GALM: variants seen among roughly 807,000 people sequenced by gnomAD.
GALM encodes aldose 1-epimerase.
In GALM, 43 loss-of-function variants were observed where a neutral mutation model predicts 37.4. That is an observed-to-expected ratio of 1.15 (90% CI 0.90 to 1.48). The LOEUF (loss-of-function observed/expected upper bound fraction) is 1.48. Ranked by LOEUF, GALM falls within the 40% of genes most tolerant of loss-of-function variation. GALM has a pLI of 0.00. For missense variants in GALM, 456 were observed against 419.1 expected, an observed-to-expected ratio of 1.09 and a Z score of -0.77; for synonymous variants, 199 against 170.6, an observed-to-expected ratio of 1.17 and a Z score of -1.30.
intron 4 of GALM, among the ~76,000 whole-genome samples, chr2:38,694,594 C>G (rs913017143): frequency 3.9e-5 from 6 of 152,022 alleles, no homozygotes; most frequent in African/African-American, 1.4e-4. Flanking sequence ...CCTTGTCAGT[C>G]TGACAAGAAA....
At chr2:38,712,734 C>T (rs139209471) in intron 4 of GALM, among the ~76,000 whole-genome samples, 7 of 152,258 alleles carry the variant, frequency 4.6e-5, no homozygotes, top group African/African-American at 9.6e-5. Flanking sequence ...GTGTTGCCTG[C>T]GTTTCTATAA....
At chr2:38,695,841 C>T (rs1311390721) in intron 4 of GALM, among the ~76,000 whole-genome samples, 2 of 151,832 alleles carry the variant, frequency 1.3e-5, no homozygotes, top group Admixed American at 1.3e-4. Context: ...GGACTACAGG[C>T]GCGCATGCCA....
chr2:38,690,000 G>C (rs1315664535), intron 4 of GALM, 106 bp downstream of exon 4: 1 of 644,500 alleles, frequency 1.6e-6, no homozygotes, highest in African/African-American at 1.8e-5. Context: ...AAAGTCTACA[G>C]TTTAGTTAAT....
At chr2:38,678,734 C>T (rs551970319) in intron 2 of GALM, among the ~76,000 whole-genome samples, 23 of 152,288 alleles carry the variant, frequency 1.5e-4, no homozygotes, top group East Asian at 1.9e-4. Context: ...CAGAGACCTC[C>T]GTTCCTGCTG....
intron 4 of GALM, among the ~76,000 whole-genome samples, chr2:38,713,224 A>C (rs1458068201): frequency 6.6e-6 from 1 of 152,058 alleles, no homozygotes; most frequent in South Asian, 2.1e-4. Context: ...ACATTCTTCC[A>C]CCCCAATATG....
intron 4 of GALM, among the ~76,000 whole-genome samples, chr2:38,712,509 A>T (rs2148449791): frequency 6.6e-6 from 1 of 152,316 alleles, no homozygotes; most frequent in East Asian, 1.9e-4. Context: ...ATAGTTGCTG[A>T]AATCAGTCCT....
rs374583940 is a variant in GALM, at chr2:38,677,154, T to C, written c.345+1088T>C. Among the ~76,000 whole-genome samples, 11 of 152,366 alleles carry C rather than the reference T, an allele frequency of 7.2e-5. No homozygotes were observed. The East Asian group carries it at 2.1e-3, about 29-fold the overall frequency. On this transcript the variant is annotated intron_variant, in intron 2 of 6. Transcript: ENST00000272252. Reference sequence around the variant, plus strand: ...TGCTTCCTAGCCCCATGGGAGTCTATGGGTTAACCCCAGTGATTGCTCTCT... The same window carrying C: ...TGCTTCCTAGCCCCATGGGAGTCTACGGGTTAACCCCAGTGATTGCTCTCT...
chr2:38,694,322 A>G (rs1665752314), intron 4 of GALM, among the ~76,000 whole-genome samples: 1 of 152,226 alleles, frequency 6.6e-6, no homozygotes, highest in African/African-American at 2.4e-5. Flanking sequence ...AAGCCAAAAC[A>G]AAGAACAGAC....
At position 38,707,114 on chromosome 2, in the gene GALM, C is replaced by T. The variant is rs368317437; in HGVS notation, c.634+17220C>T. On this transcript the variant is annotated intron_variant, in intron 4 of 6. Transcript: ENST00000272252. ...TGAGTAGGGGAGGAGGGGGAGCTGGCATGGGGGGCTGGGAGAACTATGGAT... is the reference window on the plus strand; with the variant it reads ...TGAGTAGGGGAGGAGGGGGAGCTGGTATGGGGGGCTGGGAGAACTATGGAT... 4.2e-5 allele frequency among the ~76,000 whole-genome samples: 6 copies of T among 141,764 alleles called. No individual in the cohort carries two copies. In the East Asian group the frequency reaches 8.2e-4, roughly 19 times the overall value. The allele number at this position is 141,764 out of a possible 152,430, so 93.0% of individuals were successfully genotyped here.
chr2:38,669,622 C>G (rs978837550), intron 1 of GALM: 6 of 152,090 alleles, frequency 3.9e-5, no homozygotes, highest in African/African-American at 1.4e-4. Flanking sequence ...CGGTGGCTCA[C>G]GCCTGTAATC....
chr2:38,678,110 G>C (rs1222551297), intron 2 of GALM, among the ~76,000 whole-genome samples: 1 of 150,932 alleles, frequency 6.6e-6, no homozygotes, highest in Non-Finnish European at 1.5e-5. Context: ...TCCACCTCCT[G>C]GGTTCAAGCA....
At chr2:38,672,289 T>C (rs1665128218) in intron 1 of GALM, among the ~76,000 whole-genome samples, 1 of 152,102 alleles carries the variant, frequency 6.6e-6, no homozygotes, top group Admixed American at 6.5e-5. Context: ...CAGTCAAACA[T>C]CTTGTTTTTT....
Position 38,670,922 on chromosome 2 carries a change from GGTGA to G in GALM, c.190+4574_190+4577del, listed in dbSNP as rs760831191. 7.9e-5 allele frequency among the ~76,000 whole-genome samples: 12 copies of G among 152,144 alleles called. No homozygotes were observed. In the East Asian group the frequency reaches 2.1e-3, roughly 27 times the overall value. ...GTGAATGGGGGTTTTGATTGAGAGT[GGTGA>G]GTAATTTTATTTCAGACTTTAGTGC... On this transcript the variant is annotated intron_variant, in intron 1 of 6. Transcript: ENST00000272252.
intron 3 of GALM, among the ~76,000 whole-genome samples, chr2:38,683,403 G>T (rs947103466): frequency 6.6e-6 from 1 of 152,086 alleles, no homozygotes; most frequent in Non-Finnish European, 1.5e-5. Context: ...AAATGTTTTG[G>T]ATTTTGGAGA....
chr2:38,669,116 C>G (rs1665024227), intron 1 of GALM: 1 of 152,088 alleles, frequency 6.6e-6, no homozygotes, highest in Admixed American at 6.6e-5. Context: ...AGAGAGGAGA[C>G]CACCCCTCAT....
chr2:38,722,030 T>TTC (rs1666385953), intron 4 of GALM, among the ~76,000 whole-genome samples: 6 of 41,396 alleles, frequency 1.4e-4, no homozygotes, highest in Non-Finnish European at 1.7e-4. Flanking sequence ...TGCCTTCCCT[T>TTC]CCCCCCCCCA....
chr2:38,724,808 G>A (rs536025449), intron 4 of GALM, among the ~76,000 whole-genome samples: 2 of 152,316 alleles, frequency 1.3e-5, no homozygotes, highest in Middle Eastern at 3.4e-3. Flanking sequence ...TCCTGAAGGT[G>A]TTCAAGCATA....
At chr2:38,683,645 C>A (rs989072854) in intron 3 of GALM, among the ~76,000 whole-genome samples, 1 of 152,016 alleles carries the variant, frequency 6.6e-6, no homozygotes, top group Admixed American at 6.6e-5. Context: ...CGGCTCACTG[C>A]AACCTCCACC....
intron 1 of GALM, chr2:38,668,483 A>G (rs2148422062): frequency 6.6e-6 from 1 of 152,302 alleles, no homozygotes; most frequent in African/African-American, 2.4e-5. Context: ...ATTAAAACCT[A>G]TGTTAACAAT....
Sources: allele counts gnomAD v4.1 joint callset (sites outside exome capture counted in the v4.1 genomes callset), GRCh38; gene constraint gnomAD v4.1.1; transcripts MANE v1.5; gene names NCBI Gene and HGNC (gene_info 2026-07-23, HGNC 2026-07-21).